SLC2A5: variants seen among roughly 807,000 people sequenced by gnomAD.
SLC2A5 encodes the protein solute carrier family 2 member 5.
In SLC2A5, 56 loss-of-function variants were observed where a neutral mutation model predicts 50.3. The observed-to-expected ratio is 1.11, with a 90% CI of 0.90 to 1.39. The LOEUF (loss-of-function observed/expected upper bound fraction) is 1.39, where lower values mean the gene tolerates loss of function less well. Among genes scored for constraint, SLC2A5 ranks in the 40% most tolerant of loss-of-function variants. The probability of loss-of-function intolerance (pLI) is 0.00; values close to 1 mark genes in which losing one functional copy is unlikely to be tolerated. For synonymous variants in SLC2A5, 269 were observed against 281.9 expected (o/e 0.95, Z 0.46); for missense variants, 566 against 650.1 (o/e 0.87, Z 1.41).
At chr1:9,055,345 G>A (rs367757875) in intron 3 of SLC2A5, among the ~76,000 whole-genome samples, 123 of 152,100 alleles carry the variant, frequency 8.1e-4, no homozygotes, top group African/African-American at 2.8e-3. Context: ...GTGAAACTCC[G>A]TCTCTAATAA....
intron 3 of SLC2A5, among the ~76,000 whole-genome samples, chr1:9,053,144 T>A (rs1379379716): frequency 3.0e-5 from 2 of 66,212 alleles, no homozygotes; most frequent in African/African-American, 1.3e-4. Flanking sequence ...TATTTATATG[T>A]TAATATATAT....
At position 9,040,668 on chromosome 1, in the gene SLC2A5, T is replaced by A. The variant is rs1339014031; in HGVS notation, c.572-479A>T. On this transcript the variant is annotated intron_variant, in intron 5 of 11. Coordinates refer to ENST00000377424, the MANE Select transcript of SLC2A5 (RefSeq NM_003039.3). The surrounding 1 kb of genome is among the most constrained non-coding windows in gnomAD (Gnocchi z 4.3). ...GAGGGGACACATGGGCTGGCTGCATTGGTACTGCAAAGGCAAAACTAGAGG... is the reference window on the plus strand; with the variant it reads ...GAGGGGACACATGGGCTGGCTGCATAGGTACTGCAAAGGCAAAACTAGAGG... The A allele has an allele frequency of 6.3e-6, 1 of 158,532 alleles. No homozygotes were observed. The highest frequency in any genetic ancestry group is 6.2e-5 in the Admixed American group (1 of 16,180). The allele number at this position is 158,532 out of a possible 1,614,324, so 9.8% of individuals were successfully genotyped here.
At chr1:9,051,686 A>C (rs1457829937) in intron 3 of SLC2A5, among the ~76,000 whole-genome samples, 3 of 152,168 alleles carry the variant, frequency 2.0e-5, no homozygotes, top group African/African-American at 7.2e-5. Context: ...GGGAATGCAA[A>C]ATGATATATC....
Position 9,037,244 on chromosome 1 carries a change from C to CTGT in SLC2A5, c.*339_*341dup, listed in dbSNP as rs1245809820. 1.0e-5 allele frequency: 3 copies of CTGT among 298,702 alleles called. No individual in the cohort carries two copies. Among genetic ancestry groups the CTGT allele is most frequent in the African/African-American group, 6.5e-5 (3 of 46,344 alleles). The allele number at this position is 298,702 out of a possible 1,614,324, so 18.5% of individuals were successfully genotyped here. On this transcript the variant is annotated 3_prime_UTR_variant, in exon 12 of 12. Coordinates refer to ENST00000377424, the MANE Select transcript of SLC2A5 (RefSeq NM_003039.3). ...TCCTTCCATCTCACCACTATAGTAA[C>CTGT]TGTTGTTGTTATGTTACCAGGAGCC...
chr1:9,051,368 A>G (rs898856809), intron 3 of SLC2A5, among the ~76,000 whole-genome samples: 2 of 152,216 alleles, frequency 1.3e-5, no homozygotes, highest in African/African-American at 2.4e-5. Flanking sequence ...ATGAAAAGAC[A>G]AGCCACAAAC....
chr1:9,079,778 C>G (rs1313391218), intron 2 of SLC2A5, among the ~76,000 whole-genome samples: 4 of 152,218 alleles, frequency 2.6e-5, no homozygotes, highest in East Asian at 1.9e-4. Context: ...TGAGCCACCA[C>G]GCCCAGCCGA....
At chr1:9,069,216 A>C (rs1298463240) in intron 1 of SLC2A5, among the ~76,000 whole-genome samples, 1 of 152,350 alleles carries the variant, frequency 6.6e-6, no homozygotes, top group African/African-American at 2.4e-5. Flanking sequence ...TGTTTGGTTC[A>C]AGTTGGGACA....
chr1:9,038,319 A>T, intron 10 of SLC2A5, 112 bp downstream of exon 10: 1 of 814,014 alleles, frequency 1.2e-6, no homozygotes, highest in South Asian at 1.5e-5. Flanking sequence ...GGGGGAAGAG[A>T]TGCCATTTCC....
At chr1:9,048,626 A>G (rs1469444703) in intron 3 of SLC2A5, among the ~76,000 whole-genome samples, 1 of 151,884 alleles carries the variant, frequency 6.6e-6, no homozygotes, top group African/African-American at 2.4e-5. Context: ...TGATTTTTAA[A>G]TTTTTGTTTA....
chr1:9,083,553 T>C (rs1264814252), intron 2 of SLC2A5, among the ~76,000 whole-genome samples: 1 of 152,204 alleles, frequency 6.6e-6, no homozygotes, highest in African/African-American at 2.4e-5. Context: ...CGGGGTTCGG[T>C]GGCTCATGCC....
At chr1:9,069,899 G>A (rs919654176), upstream of SLC2A5, 3 of 209,466 alleles carry the variant, frequency 1.4e-5, no homozygotes, top group Non-Finnish European at 2.9e-5. Context: ...GCAAACAACA[G>A]CTGTCCTCCA....
At chr1:9,091,410 G>A (rs1366701808), upstream of SLC2A5, among the ~76,000 whole-genome samples, 2 of 152,082 alleles carry the variant, frequency 1.3e-5, no homozygotes, top group African/African-American at 4.8e-5. Flanking sequence ...ATAAAAGCTG[G>A]CCTCTTTGCT....
intron 3 of SLC2A5, among the ~76,000 whole-genome samples, chr1:9,048,263 C>T (rs1409543399): frequency 6.6e-6 from 1 of 152,156 alleles, no homozygotes; most frequent in Admixed American, 6.6e-5. Context: ...AATCCCAGCA[C>T]TTTGGGAGGC....
intron 3 of SLC2A5, among the ~76,000 whole-genome samples, chr1:9,048,495 G>C (rs915356329): frequency 2.0e-5 from 3 of 152,084 alleles, no homozygotes; most frequent in African/African-American, 7.2e-5. Flanking sequence ...CTGGGTGACA[G>C]AGCGAGACTC....
intron 1 of SLC2A5, among the ~76,000 whole-genome samples, chr1:9,064,520 T>C (rs1642031882): frequency 6.6e-6 from 1 of 152,188 alleles, no homozygotes; most frequent in Admixed American, 6.5e-5. Context: ...ACAGAGAACA[T>C]TTTGAGACTT....
Position 9,038,900 on chromosome 1 carries a change from C to T in SLC2A5, c.1026G>A (p.Arg342=), listed in dbSNP as rs775798325. The T allele has an allele frequency of 1.2e-6, 2 of 1,612,748 alleles. No homozygotes were observed. The highest frequency in any genetic ancestry group is 2.2e-5 in the South Asian group (2 of 91,038). ...AVFVVELLGR[R]LLLLLGFSIC... is the part of the protein sequence containing the mutation. ...TGGAGAAGCCCAGCAGCAGCAGCAG[C>T]CTCCGACCCAGGAGCTCCACCACGA... Residue 342 remains arginine, a synonymous_variant, in exon 9 of 12, where the codon AGG becomes AGA. Coordinates refer to ENST00000377424, the MANE Select transcript of SLC2A5 (RefSeq NM_003039.3).
upstream of SLC2A5, among the ~76,000 whole-genome samples, chr1:9,074,324 T>C (rs28475361): frequency 0.47 from 71,306 of 151,900 alleles, 17,252 homozygotes; most frequent in East Asian, 0.67. Context: ...ATCTCAGAAA[T>C]AGTCTGTGGT....
At chr1:9,053,067 A>G (rs575775594) in intron 3 of SLC2A5, among the ~76,000 whole-genome samples, 1 of 111,320 alleles carries the variant, frequency 9.0e-6, no homozygotes, top group Non-Finnish European at 1.6e-5. Context: ...AATATATATT[A>G]TATATTTATA....
At chr1:9,039,725 C>A in intron 7 of SLC2A5, 63 bp from the exon 8 acceptor site, 1 of 1,426,984 alleles carries the variant, frequency 7.0e-7, no homozygotes, top group Non-Finnish European at 9.2e-7. Context: ...CCAGGACCCA[C>A]GCCCGGCGCC....
Sources: gnomAD v4.1 joint callset for allele counts (sites outside exome capture counted in the v4.1 genomes callset) on GRCh38, gnomAD v4.1.1 for gene constraint, Gnocchi (gnomAD v3.1) non-coding constraint, MANE v1.5 for transcripts, NCBI Gene and HGNC (gene_info 2026-07-23, HGNC 2026-07-21) for gene names.